The following CDH18 variants were observed in gnomAD, a reference collection of about 807,000 sequenced individuals.
CDH18 encodes cadherin-18.
CDH18 carries 31 observed loss-of-function variants against 67.9 expected under a neutral mutation model. That is an observed-to-expected ratio of 0.46 (90% CI 0.34 to 0.62). The LOEUF is 0.62. Ranked by LOEUF, CDH18 falls within the 20% of genes least tolerant of loss-of-function variation. CDH18 has a pLI of 0.01. For synonymous variants in CDH18, 362 were observed against 347.2 expected (o/e 1.04, Z -0.48); for missense variants, 890 against 975.5 (o/e 0.91, Z 1.17).
chr5:20,113,354 G>T (rs1747637090), intron 2 of CDH18, among the ~76,000 whole-genome samples: 1 of 152,016 alleles, frequency 6.6e-6, no homozygotes, highest in Non-Finnish European at 1.5e-5. Context: ...CTTGTTATTT[G>T]TCTATAAAGG....
chr5:20,095,466 AGAAG>A (rs1339960091), intron 2 of CDH18, among the ~76,000 whole-genome samples: 5 of 127,236 alleles, frequency 3.9e-5, no homozygotes, highest in Admixed American at 7.9e-5. Context: ...GAAAGAAGAA[AGAAG>A]GAAGGAAGGA....
intron 2 of CDH18, among the ~76,000 whole-genome samples, chr5:20,101,542 T>C (rs1003492990): frequency 6.6e-6 from 1 of 152,164 alleles, no homozygotes; most frequent in Non-Finnish European, 1.5e-5. Context: ...CCACTATTGG[T>C]AGGATCCCTA....
At chr5:19,762,575 G>A (rs1772510813) in intron 3 of CDH18, among the ~76,000 whole-genome samples, 2 of 152,010 alleles carry the variant, frequency 1.3e-5, no homozygotes, top group African/African-American at 4.8e-5. Flanking sequence ...TTAGAATGGT[G>A]ATCATTAAAA....
chr5:20,392,405 C>T (rs1032262918), intron 1 of CDH18, among the ~76,000 whole-genome samples: 7 of 151,720 alleles, frequency 4.6e-5, no homozygotes, highest in African/African-American at 1.2e-4. Context: ...TTATCTTTAT[C>T]CAATGGTCCC....
intron 1 of CDH18, among the ~76,000 whole-genome samples, chr5:20,375,791 T>C (rs758978560): frequency 1.3e-5 from 2 of 152,096 alleles, no homozygotes; most frequent in African/African-American, 4.8e-5. Flanking sequence ...TAAGGTTTCA[T>C]AGGAGACACA....
intron 1 of CDH18, among the ~76,000 whole-genome samples, chr5:20,313,514 C>T (rs1737182889): frequency 6.6e-6 from 1 of 152,032 alleles, no homozygotes; most frequent in East Asian, 1.9e-4. Flanking sequence ...CCTCCACTGA[C>T]TTTAACATAA....
At chr5:19,924,243 T>C (rs763339201) in intron 2 of CDH18, among the ~76,000 whole-genome samples, 3 of 152,214 alleles carry the variant, frequency 2.0e-5, no homozygotes, top group Non-Finnish European at 1.5e-5. Context: ...AAATCAACAA[T>C]GCAGCATGCA....
At chr5:20,504,451 C>T (rs545804455) in intron 1 of CDH18, among the ~76,000 whole-genome samples, 5 of 152,248 alleles carry the variant, frequency 3.3e-5, no homozygotes, top group South Asian at 4.1e-4. Context: ...TAAAACAAAA[C>T]TGTACAGATA....
chr5:19,750,911 C>T (rs1410527619), intron 3 of CDH18, among the ~76,000 whole-genome samples: 1 of 151,636 alleles, frequency 6.6e-6, no homozygotes, highest in Non-Finnish European at 1.5e-5. Context: ...ATTATATTGT[C>T]CTAAAGCAAG....
chr5:20,066,580 T>C, intron 2 of CDH18, among the ~76,000 whole-genome samples: 1 of 152,030 alleles, frequency 6.6e-6, no homozygotes, highest in Non-Finnish European at 1.5e-5. Context: ...TGAGAAAACA[T>C]TCTTTGATGA....
At chr5:20,321,828 C>T (rs1311663183) in intron 1 of CDH18, among the ~76,000 whole-genome samples, 1 of 152,046 alleles carries the variant, frequency 6.6e-6, no homozygotes, top group Non-Finnish European at 1.5e-5. Context: ...ACTTTTAAAG[C>T]CCCAAAGATA....
intron 2 of CDH18, among the ~76,000 whole-genome samples, chr5:19,907,190 T>C (rs763471146): frequency 1.3e-5 from 2 of 152,010 alleles, no homozygotes; most frequent in Non-Finnish European, 2.9e-5. Flanking sequence ...TTCATGGTTA[T>C]GTGTGTTTCA....
intron 2 of CDH18, among the ~76,000 whole-genome samples, chr5:19,943,746 T>C (rs566495780): frequency 2.0e-4 from 31 of 152,206 alleles, no homozygotes; most frequent in Non-Finnish European, 1.0e-4. Context: ...TAGTGTTCTA[T>C]TTGTAATTAA....
At chr5:19,814,847 T>TACACAC (rs200095987) in intron 3 of CDH18, among the ~76,000 whole-genome samples, 3 of 127,796 alleles carry the variant, frequency 2.3e-5, no homozygotes, top group African/African-American at 5.3e-5. Flanking sequence ...GCAAAATTGT[T>TACACAC]ACACACACAC....
chr5:20,250,196 C>A (rs1212486844), intron 2 of CDH18, among the ~76,000 whole-genome samples: 1 of 152,108 alleles, frequency 6.6e-6, no homozygotes, highest in African/African-American at 2.4e-5. Context: ...TGTGTAAAAT[C>A]TTTTCTTCCA....
Position 19,983,034 on chromosome 5 carries a change from A to G in CDH18, c.-375-1856T>C, listed in dbSNP as rs1366725237. Among the ~76,000 whole-genome samples the G allele has an allele frequency of 1.4e-3, 62 of 43,810 alleles. 1 individual carries two copies. The highest frequency in any genetic ancestry group is 2.7e-3 in the African/African-American group (58 of 21,648). 28.7% of individuals were successfully genotyped at this position (43,810 alleles called of 152,430 possible). A position where few individuals can be genotyped will look rare whatever the true frequency, so the allele number is the denominator to read the frequency against. On this transcript the variant is annotated intron_variant, in intron 1 of 12. Coordinates refer to ENST00000382275, the MANE Select transcript of CDH18 (RefSeq NM_004934.5). ...GGCGACAGAGCAAGACTCCATCTCGAAAAAAAAAAAAAAAAAGCCAAAATT... is the reference window on the plus strand; with the variant it reads ...GGCGACAGAGCAAGACTCCATCTCGGAAAAAAAAAAAAAAAAGCCAAAATT...
intron 2 of CDH18, among the ~76,000 whole-genome samples, chr5:20,181,837 G>T (rs1737708997): frequency 6.6e-6 from 1 of 152,042 alleles, no homozygotes; most frequent in Non-Finnish European, 1.5e-5. Context: ...AAAATATCGA[G>T]CCTCAGTGGT....
intron 2 of CDH18, among the ~76,000 whole-genome samples, chr5:20,007,463 T>C (rs748697151): frequency 4.6e-4 from 70 of 152,026 alleles, no homozygotes; most frequent in Non-Finnish European, 3.5e-4. Flanking sequence ...GAAAAAAGAA[T>C]ACATAAAAAT....
chr5:19,735,041 C>A (rs576587670), intron 4 of CDH18, among the ~76,000 whole-genome samples: 10 of 152,302 alleles, frequency 6.6e-5, no homozygotes, highest in African/African-American at 2.4e-4. Flanking sequence ...TGCTGAGTCA[C>A]TACCCTCCAT....
Sources: gnomAD v4.1 joint callset for allele counts (sites outside exome capture counted in the v4.1 genomes callset) on GRCh38, gnomAD v4.1.1 for gene constraint, MANE v1.5 for transcripts, NCBI Gene and HGNC (gene_info 2026-07-23, HGNC 2026-07-21) for gene names.